The following GRID2 variants were observed in gnomAD, a reference collection of about 807,000 sequenced individuals.
GRID2 encodes the protein glutamate receptor ionotropic, delta-2.
Under a neutral mutation model 114.8 loss-of-function variants are expected in GRID2, and 33 were observed. That is an observed-to-expected ratio of 0.29 (90% CI 0.22 to 0.38). GRID2 has a LOEUF of 0.38. GRID2 is among the 10% of genes least tolerant of loss of function. The probability of loss-of-function intolerance (pLI) is 1.00; values close to 1 mark genes in which losing one functional copy is unlikely to be tolerated. For synonymous variants in GRID2, 505 were observed against 449.9 expected, an observed-to-expected ratio of 1.12 and a Z score of -1.55; for missense variants, 1,184 against 1,257.7, an observed-to-expected ratio of 0.94 and a Z score of 0.89.
chr4:92,568,341 A>G (rs188481410), intron 1 of GRID2, among the ~76,000 whole-genome samples: 98 of 152,150 alleles, frequency 6.4e-4, no homozygotes, highest in African/African-American at 2.3e-3. Context: ...CAGTTTCTAC[A>G]GGTGTGTCGA....
chr4:92,428,188 G>C (rs1015447312), intron 1 of GRID2, among the ~76,000 whole-genome samples: 3 of 152,062 alleles, frequency 2.0e-5, no homozygotes, highest in African/African-American at 7.2e-5. Context: ...CATGAACCCG[G>C]GAGGCGGAGC....
intron 2 of GRID2, among the ~76,000 whole-genome samples, chr4:92,715,624 C>T (rs1228313739): frequency 2.0e-5 from 3 of 152,178 alleles, no homozygotes; most frequent in African/African-American, 7.2e-5. Flanking sequence ...ATGAAAGGTA[C>T]ATCTCACGTG....
At chr4:93,131,915 G>A (rs1170487204) in intron 4 of GRID2, among the ~76,000 whole-genome samples, 1 of 152,016 alleles carries the variant, frequency 6.6e-6, no homozygotes, top group Non-Finnish European at 1.5e-5. Flanking sequence ...TGCTTAAACC[G>A]GGTCTCCTAG....
chr4:93,759,728 C>T (rs374943852), intron 14 of GRID2, among the ~76,000 whole-genome samples: 10 of 152,104 alleles, frequency 6.6e-5, no homozygotes, highest in East Asian at 3.9e-4. Context: ...AATCACAAAG[C>T]GATTAATGAA....
chr4:93,725,919 C>G (rs978572048), intron 14 of GRID2, among the ~76,000 whole-genome samples: 1 of 152,008 alleles, frequency 6.6e-6, no homozygotes. Context: ...AAAATTTTCT[C>G]CCATTCTGTA....
intron 1 of GRID2, among the ~76,000 whole-genome samples, chr4:92,334,486 T>A (rs1228599865): frequency 6.6e-6 from 1 of 152,120 alleles, no homozygotes; most frequent in Non-Finnish European, 1.5e-5. Flanking sequence ...AAGAGCATGG[T>A]GGTGGTATTT....
intron 8 of GRID2, among the ~76,000 whole-genome samples, chr4:93,282,225 A>G (rs1273909443): frequency 6.6e-6 from 1 of 152,094 alleles, no homozygotes; most frequent in African/African-American, 2.4e-5. Context: ...TTTGCTTTAA[A>G]AAATCTTGGC....
At chr4:92,796,075 T>G (rs1187742187) in intron 2 of GRID2, among the ~76,000 whole-genome samples, 1 of 152,052 alleles carries the variant, frequency 6.6e-6, no homozygotes. Flanking sequence ...AATGATATCA[T>G]CCTTAATACT....
chr4:92,650,172 A>T (rs547196917), intron 2 of GRID2, among the ~76,000 whole-genome samples: 1 of 152,182 alleles, frequency 6.6e-6, no homozygotes, highest in South Asian at 2.1e-4. Flanking sequence ...CATATTTATA[A>T]CAAAATAAGG....
intron 2 of GRID2, among the ~76,000 whole-genome samples, chr4:92,643,056 C>T (rs1731438187): frequency 6.6e-6 from 1 of 151,638 alleles, no homozygotes; most frequent in Non-Finnish European, 1.5e-5. Context: ...ATTCTTCTTG[C>T]TTGGGATTGT....
At chr4:92,524,773 C>T (rs576737328) in intron 1 of GRID2, among the ~76,000 whole-genome samples, 28 of 151,838 alleles carry the variant, frequency 1.8e-4, no homozygotes, top group Middle Eastern at 6.8e-3. Context: ...TTCACATTTT[C>T]CAGGAATTAG....
At chr4:93,296,127 C>A (rs1303024747) in intron 8 of GRID2, among the ~76,000 whole-genome samples, 1 of 152,184 alleles carries the variant, frequency 6.6e-6, no homozygotes, top group Non-Finnish European at 1.5e-5. Context: ...CATAGTCCGT[C>A]CAGGGCCTCT....
At chr4:93,012,734 T>A (rs1458446802) in intron 2 of GRID2, among the ~76,000 whole-genome samples, 2 of 152,076 alleles carry the variant, frequency 1.3e-5, no homozygotes, top group Non-Finnish European at 2.9e-5. Context: ...AAGAACTGAA[T>A]GAAATTGCCT....
intron 1 of GRID2, among the ~76,000 whole-genome samples, chr4:93,794,235 C>T (rs1734751971): frequency 6.6e-6 from 1 of 152,070 alleles, no homozygotes; most frequent in Admixed American, 6.5e-5. Flanking sequence ...GTTTTATTTC[C>T]AGGGAGACAG....
chr4:93,057,162 C>CTGTGTGTG (rs139689521), intron 2 of GRID2, among the ~76,000 whole-genome samples: 1,611 of 147,916 alleles, frequency 0.011, 19 homozygotes, highest in African/African-American at 0.033. Context: ...GTATGTGTGT[C>CTGTGTGTG]TGTGTGTGTG....
At chr4:93,147,978 C>T (rs567037265) in intron 4 of GRID2, among the ~76,000 whole-genome samples, 2 of 152,264 alleles carry the variant, frequency 1.3e-5, no homozygotes, top group South Asian at 4.1e-4. Flanking sequence ...TGGTTCACTA[C>T]AGGATGCATT....
chr4:93,752,937 C>T (rs767172084), intron 14 of GRID2, among the ~76,000 whole-genome samples: 2 of 152,038 alleles, frequency 1.3e-5, no homozygotes, highest in Admixed American at 6.5e-5. Context: ...TCTTTGGAAC[C>T]GTTAGTTTTC....
chr4:93,462,388 T>A (rs1174123259), intron 11 of GRID2, among the ~76,000 whole-genome samples: 1 of 152,128 alleles, frequency 6.6e-6, no homozygotes, highest in Non-Finnish European at 1.5e-5. Flanking sequence ...GTAGTTTTCT[T>A]AAAGATCAAA....
chr4:92,910,746 C>G (rs191170105), intron 2 of GRID2, among the ~76,000 whole-genome samples: 7 of 152,162 alleles, frequency 4.6e-5, no homozygotes, highest in African/African-American at 1.4e-4. Flanking sequence ...GTGGCACTTG[C>G]ATATAACCTA....
Sources: allele counts gnomAD v4.1 joint callset (sites outside exome capture counted in the v4.1 genomes callset), GRCh38; gene constraint gnomAD v4.1.1; transcripts MANE v1.5; gene names NCBI Gene and HGNC (gene_info 2026-07-23, HGNC 2026-07-21).